The following TLR6 variants were observed in gnomAD, a reference collection of about 807,000 sequenced individuals.
The protein encoded by TLR6 is toll like receptor 6.
Under a neutral mutation model 16.1 loss-of-function variants are expected in TLR6, and 9 were observed. That is an observed-to-expected ratio of 0.56 (90% CI 0.34 to 0.98). TLR6 has a LOEUF of 0.98. Ranked by LOEUF, TLR6 falls within the 50% of genes least tolerant of loss-of-function variation. The pLI is 0.02. For synonymous variants in TLR6, 340 were observed against 338.6 expected, an observed-to-expected ratio of 1.00 and a Z score of -0.04; for missense variants, 786 against 921.0, an observed-to-expected ratio of 0.85 and a Z score of 1.90.
At chr4:38,849,350 C>T (rs555138267) in intron 1 of TLR6, among the ~76,000 whole-genome samples, 43 of 152,296 alleles carry the variant, frequency 2.8e-4, no homozygotes, top group African/African-American at 9.9e-4. Flanking sequence ...ACCATTGATG[C>T]TAGGAAGAAA....
chr4:38,823,394 A>G (rs1727401625), downstream of TLR6, among the ~76,000 whole-genome samples: 2 of 152,214 alleles, frequency 1.3e-5, no homozygotes, highest in Admixed American at 1.3e-4. Flanking sequence ...ATGATGTTCA[A>G]CCAAAGTCAA....
At chr4:38,854,422 T>C (rs987538528) in intron 1 of TLR6, among the ~76,000 whole-genome samples, 2 of 152,182 alleles carry the variant, frequency 1.3e-5, no homozygotes, top group African/African-American at 4.8e-5. Flanking sequence ...CTTTTAGAAA[T>C]AGGTTTCCAG....
At chr4:38,853,631 A>G (rs1368848596) in intron 1 of TLR6, among the ~76,000 whole-genome samples, 2 of 152,172 alleles carry the variant, frequency 1.3e-5, no homozygotes, top group Non-Finnish European at 2.9e-5. Context: ...CTTTCTTTTT[A>G]AGAGACAGGG....
chr4:38,823,259 T>C (rs1727397371), downstream of TLR6, among the ~76,000 whole-genome samples: 1 of 152,232 alleles, frequency 6.6e-6, no homozygotes, highest in South Asian at 2.1e-4. Context: ...ACCCTTGCTA[T>C]GTTTAGATAT....
chr4:38,846,913 A>G (rs1009336770), intron 1 of TLR6, among the ~76,000 whole-genome samples: 1 of 152,168 alleles, frequency 6.6e-6, no homozygotes, highest in Non-Finnish European at 1.5e-5. Context: ...ATGAGAAAAT[A>G]CAAATAAAAG....
At chr4:38,837,119 A>G (rs1711967354) in intron 1 of TLR6, among the ~76,000 whole-genome samples, 1 of 152,200 alleles carries the variant, frequency 6.6e-6, no homozygotes, top group African/African-American at 2.4e-5. Flanking sequence ...TCCCATGTTC[A>G]TGGACTGGAA....
intron 1 of TLR6, among the ~76,000 whole-genome samples, chr4:38,840,425 A>G (rs1034170955): frequency 3.9e-5 from 6 of 152,020 alleles, no homozygotes; most frequent in African/African-American, 7.2e-5. Context: ...CGAGGTCAGG[A>G]GTTCGAGACC....
chr4:38,832,572 A>G (rs1711666245), intron 1 of TLR6, among the ~76,000 whole-genome samples: 1 of 152,096 alleles, frequency 6.6e-6, no homozygotes, highest in Non-Finnish European at 1.5e-5. Flanking sequence ...CATACCCCAT[A>G]CCCTGAGACC....
At chr4:38,858,827 GA>G (rs1713112904), upstream of TLR6, among the ~76,000 whole-genome samples, 4 of 98,346 alleles carry the variant, frequency 4.1e-5, no homozygotes, top group Admixed American at 1.1e-4. Flanking sequence ...GAGAGAGAGA[GA>G]GAGGAAGAAA....
chr4:38,865,543 G>A, the TLR6 span, among the ~76,000 whole-genome samples: 1 of 152,192 alleles, frequency 6.6e-6, no homozygotes. Flanking sequence ...AGGCAGGTTA[G>A]CAAAGGTGCT....
At chr4:38,860,531 G>C (rs1448679852), upstream of TLR6, among the ~76,000 whole-genome samples, 1 of 89,160 alleles carries the variant, frequency 1.1e-5, no homozygotes, top group Non-Finnish European at 2.2e-5. Flanking sequence ...CTTCTCTGCT[G>C]AATTAAAAAA....
At chr4:38,835,837 A>G (rs1337889441) in intron 1 of TLR6, among the ~76,000 whole-genome samples, 2 of 152,240 alleles carry the variant, frequency 1.3e-5, no homozygotes, top group East Asian at 3.8e-4. Flanking sequence ...AACTGTATAA[A>G]TACATGGAAA....
intron 1 of TLR6, among the ~76,000 whole-genome samples, chr4:38,836,126 T>C (rs1220406288): frequency 6.6e-6 from 1 of 151,168 alleles, no homozygotes; most frequent in East Asian, 1.9e-4. Flanking sequence ...AAAGAAATAC[T>C]AAAGCTCAGA....
exon 2 of TLR6, chr4:38,827,022 T>C: frequency 7.7e-7 from 1 of 1,299,078 alleles, no homozygotes. Flanking sequence ...TACTTACGAC[T>C]GTACTATTCA....
At position 38,852,799 on chromosome 4, in the gene TLR6, C is replaced by T. The variant is rs543462518; in HGVS notation, c.-65+3962G>A. 2.6e-4 allele frequency among the ~76,000 whole-genome samples: 39 copies of T among 152,196 alleles called. No homozygotes were observed. The East Asian group carries it at 6.8e-3, about 26-fold the overall frequency. The stretch of plus-strand genomic sequence containing the variant: ...CTGTTGGTGGGACTGTAAACTAGTT[C>T]AACCATTGTGGAAGACAGTGTGGTG... On this transcript the variant is annotated intron_variant, in intron 1 of 1. Transcript: ENST00000436693.
At chr4:38,857,789 C>T (rs1237533947), upstream of TLR6, among the ~76,000 whole-genome samples, 1 of 152,168 alleles carries the variant, frequency 6.6e-6, no homozygotes, top group Non-Finnish European at 1.5e-5. Context: ...ACTCATCAAA[C>T]ATAACAGGAA....
chr4:38,835,008 T>C (rs1711839432), intron 1 of TLR6, among the ~76,000 whole-genome samples: 1 of 152,134 alleles, frequency 6.6e-6, no homozygotes, highest in Non-Finnish European at 1.5e-5. Flanking sequence ...AAGTTACTAC[T>C]ACAGAAAACC....
rs374552309 is a variant in TLR6 at position 38,829,302 on chromosome 4, C to T, written c.172G>A (p.Asp58Asn). The T allele has an allele frequency of 5.6e-6, 9 of 1,614,074 alleles. No individual in the cohort carries two copies. The African/African-American group carries it at 6.7e-5, about 12-fold the overall frequency. Residue 58 changes from aspartate (D) to asparagine (N), a missense_variant, in exon 2 of 2, where the codon GAT becomes AAT. Asp to Asn is a conservative substitution (Grantham distance 23, BLOSUM62 1). Transcript: ENST00000436693. Reference sequence around the variant, plus strand: ...TCAGCGATGTAGTTCTGAGACATATCTAAGACTTTGGTTTTCAGCGGTAGG... The same window carrying T: ...TCAGCGATGTAGTTCTGAGACATATTTAAGACTTTGGTTTTCAGCGGTAGG...
At position 38,827,206 on chromosome 4, in the gene TLR6, C is replaced by T. The variant is rs5743821; in HGVS notation, c.2268G>A (p.Thr756=). 175 of 1,614,142 alleles carry T rather than the reference C, an allele frequency of 1.1e-4. No homozygotes were observed. The African/African-American group carries it at 1.9e-3, about 17-fold the overall frequency. Residue 756 remains threonine, a synonymous_variant, in exon 2 of 2, where the codon ACG becomes ACA. Transcript: ENST00000436693. ...TGGGCCACTGCAAATAAGTCCGCTG[C>T]GTCATGAGAGCCTTCAGCTTGTGGT...
Sources: allele counts gnomAD v4.1 joint callset (sites outside exome capture counted in the v4.1 genomes callset), GRCh38; gene constraint gnomAD v4.1.1; transcripts MANE v1.5; gene names NCBI Gene and HGNC (gene_info 2026-07-23, HGNC 2026-07-21).